ULK4: variants seen among roughly 807,000 people sequenced by gnomAD.
The protein encoded by ULK4 is unc-51 like kinase 4.
In ULK4, 133 loss-of-function variants were observed where a neutral mutation model predicts 160.6. That is an observed-to-expected ratio of 0.83 (90% confidence interval 0.72 to 0.96). The LOEUF (loss-of-function observed/expected upper bound fraction) is 0.96. ULK4 is among the 40% of genes least tolerant of loss of function. The pLI, the probability that ULK4 is intolerant of heterozygous loss-of-function variation, is 0.00. For missense variants in ULK4, 1,580 were observed against 1,499.5 expected (o/e 1.05, Z -0.89); for synonymous variants, 534 against 539.8 (o/e 0.99, Z 0.15).
chr3:41,741,964 C>T (rs922531532), intron 22 of ULK4, among the ~76,000 whole-genome samples: 1 of 151,748 alleles, frequency 6.6e-6, no homozygotes, highest in East Asian at 1.9e-4. Flanking sequence ...ACTGTCCCCC[C>T]AAAAAAGTGC....
chr3:41,403,114 C>A (rs1367036416), intron 34 of ULK4, among the ~76,000 whole-genome samples: 2 of 151,108 alleles, frequency 1.3e-5, no homozygotes, highest in African/African-American at 4.9e-5. Context: ...CATGCCATTG[C>A]ACTCCAGCCT....
chr3:41,655,401 T>C (rs999905349), intron 30 of ULK4, among the ~76,000 whole-genome samples: 1 of 139,202 alleles, frequency 7.2e-6, no homozygotes, highest in Admixed American at 7.1e-5. Context: ...GGGGGAGGGA[T>C]AGCATTAGGA....
At chr3:41,369,020 C>T (rs866403603) in intron 35 of ULK4, among the ~76,000 whole-genome samples, 2 of 152,088 alleles carry the variant, frequency 1.3e-5, no homozygotes, top group Admixed American at 1.3e-4. Context: ...CCTGCAAATA[C>T]CTAGGTAGAA....
intron 32 of ULK4, among the ~76,000 whole-genome samples, chr3:41,553,376 A>T (rs1244033973): frequency 6.6e-6 from 1 of 151,984 alleles, no homozygotes; most frequent in African/African-American, 2.4e-5. Context: ...CTAATATCCA[A>T]AATATAAAAG....
chr3:41,728,364 G>A (rs1192707247), intron 22 of ULK4, among the ~76,000 whole-genome samples: 2 of 152,204 alleles, frequency 1.3e-5, no homozygotes, highest in Admixed American at 6.5e-5. Context: ...AGGGGTGCCA[G>A]GGTGTGCAGA....
chr3:41,891,492 A>AG (rs959873574), intron 16 of ULK4, among the ~76,000 whole-genome samples: 1 of 152,046 alleles, frequency 6.6e-6, no homozygotes, highest in African/African-American at 2.4e-5. Context: ...AGGGAAAAAA[A>AG]AAAAAAAGGT....
At chr3:41,322,380 C>T (rs55848253) in intron 35 of ULK4, among the ~76,000 whole-genome samples, 23,594 of 151,832 alleles carry the variant, frequency 0.16, 2,214 homozygotes, top group African/African-American at 0.25. Flanking sequence ...AACTTGCCTC[C>T]GTCTCTCCCT....
intron 32 of ULK4, among the ~76,000 whole-genome samples, chr3:41,466,679 T>C (rs1196468849): frequency 6.6e-6 from 1 of 152,062 alleles, no homozygotes; most frequent in Non-Finnish European, 1.5e-5. Flanking sequence ...GTAAAGCTTT[T>C]GCAAATCAAA....
intron 27 of ULK4, among the ~76,000 whole-genome samples, chr3:41,699,518 C>T (rs967273323): frequency 6.6e-6 from 1 of 151,814 alleles, no homozygotes; most frequent in Non-Finnish European, 1.5e-5. Flanking sequence ...GGAACAAATT[C>T]GCTGTACAAA....
At chr3:41,692,910 C>A (rs1284140186) in intron 27 of ULK4, among the ~76,000 whole-genome samples, 3 of 152,110 alleles carry the variant, frequency 2.0e-5, no homozygotes, top group Admixed American at 2.0e-4. Flanking sequence ...ATGTCAGTTT[C>A]TCTGCATGTT....
chr3:41,303,720 G>A (rs1472113424), intron 35 of ULK4, among the ~76,000 whole-genome samples: 4 of 152,172 alleles, frequency 2.6e-5, no homozygotes, highest in Admixed American at 6.5e-5. Flanking sequence ...ACATGCTCAA[G>A]TCTGTAATTC....
intron 35 of ULK4, among the ~76,000 whole-genome samples, chr3:41,296,109 CA>C (rs1172799497): frequency 6.6e-6 from 1 of 152,120 alleles, no homozygotes; most frequent in Non-Finnish European, 1.5e-5. Context: ...AAAGTGTATA[CA>C]ATGAACTTTG....
At chr3:41,522,360 A>G (rs1182359607) in intron 32 of ULK4, among the ~76,000 whole-genome samples, 3 of 151,920 alleles carry the variant, frequency 2.0e-5, no homozygotes, top group East Asian at 3.9e-4. Flanking sequence ...GGCTGGTCTC[A>G]AACTCCTGGC....
At chr3:41,457,127 C>T (rs532374948) in intron 33 of ULK4, among the ~76,000 whole-genome samples, 11 of 152,320 alleles carry the variant, frequency 7.2e-5, no homozygotes, top group Middle Eastern at 3.4e-3. Context: ...CATTATCTGA[C>T]ATGGAATATT....
chr3:41,810,931 G>A (rs1038278259), intron 19 of ULK4, among the ~76,000 whole-genome samples: 1 of 152,038 alleles, frequency 6.6e-6, no homozygotes, highest in African/African-American at 2.4e-5. Context: ...TGTTGCCCAG[G>A]CTGAAGGGCA....
chr3:41,653,948 T>C (rs1170068268), intron 30 of ULK4, among the ~76,000 whole-genome samples: 1 of 152,244 alleles, frequency 6.6e-6, no homozygotes, highest in Non-Finnish European at 1.5e-5. Flanking sequence ...TATTTATAAA[T>C]GTATGCAATA....
intron 33 of ULK4, among the ~76,000 whole-genome samples, chr3:41,461,193 T>C (rs2083675897): frequency 6.6e-6 from 1 of 152,202 alleles, no homozygotes; most frequent in Non-Finnish European, 1.5e-5. Flanking sequence ...CCTGGAAAAG[T>C]GCTTTGTGAA....
intron 12 of ULK4, among the ~76,000 whole-genome samples, chr3:41,906,877 CA>C (rs1698584060): frequency 6.6e-6 from 1 of 152,026 alleles, no homozygotes; most frequent in African/African-American, 2.4e-5. Flanking sequence ...ACTGTAGTCC[CA>C]GCGACTTGGT....
At chr3:41,457,720 T>A (rs2083587669) in intron 33 of ULK4, among the ~76,000 whole-genome samples, 1 of 152,204 alleles carries the variant, frequency 6.6e-6, no homozygotes, top group South Asian at 2.1e-4. Flanking sequence ...GTGTGCATCT[T>A]GTACAGGGCC....
Sources: allele counts gnomAD v4.1 joint callset (sites outside exome capture counted in the v4.1 genomes callset), GRCh38; gene constraint gnomAD v4.1.1; transcripts MANE v1.5; gene names NCBI Gene and HGNC (gene_info 2026-07-23, HGNC 2026-07-21).